GALNTL6: variants seen among roughly 807,000 people sequenced by gnomAD.
The protein encoded by GALNTL6 is polypeptide N-acetylgalactosaminyltransferase like 6, also known as polypeptide N-acetylgalactosaminyltransferase-like 6.
In GALNTL6, 46 loss-of-function variants were observed where a neutral mutation model predicts 73.7. The ratio of observed to expected loss-of-function variants is 0.62; its 90% CI spans 0.49 to 0.80. The LOEUF (loss-of-function observed/expected upper bound fraction) is 0.80. Among genes scored for constraint, GALNTL6 ranks in the 30% least tolerant of loss-of-function variants. The pLI is 0.00. For missense variants in GALNTL6, 604 were observed against 755.0 expected (o/e 0.80, Z 2.34); for synonymous variants, 259 against 263.7 (o/e 0.98, Z 0.17).
intron 5 of GALNTL6, among the ~76,000 whole-genome samples, chr4:172,498,373 A>G (rs192065204): frequency 6.6e-6 from 1 of 152,290 alleles, no homozygotes; most frequent in East Asian, 1.9e-4. Flanking sequence ...GCCTCCAAAT[A>G]TATTTACAAA....
chr4:171,878,786 A>T (rs998045316), intron 2 of GALNTL6, among the ~76,000 whole-genome samples: 1 of 152,074 alleles, frequency 6.6e-6, no homozygotes, highest in Non-Finnish European at 1.5e-5. Context: ...GTGGGAGGTG[A>T]TTGGATCTTG....
intron 2 of GALNTL6, among the ~76,000 whole-genome samples, chr4:171,843,412 TA>T (rs1735291932): frequency 1.3e-5 from 2 of 151,974 alleles, no homozygotes; most frequent in Admixed American, 1.3e-4. Context: ...TGTTCATCCA[TA>T]AAAGATTACT....
At chr4:172,063,762 T>C (rs1731278876) in intron 2 of GALNTL6, among the ~76,000 whole-genome samples, 1 of 152,166 alleles carries the variant, frequency 6.6e-6, no homozygotes, top group Non-Finnish European at 1.5e-5. Flanking sequence ...TTCTAAACTT[T>C]ATATCATTTT....
intron 5 of GALNTL6, among the ~76,000 whole-genome samples, chr4:172,676,717 C>T (rs1017463232): frequency 2.0e-5 from 3 of 152,176 alleles, no homozygotes; most frequent in Non-Finnish European, 4.4e-5. Flanking sequence ...TGGCTGCCTA[C>T]TTCATTTCAC....
At chr4:171,824,509 A>G (rs1734773800) in intron 2 of GALNTL6, among the ~76,000 whole-genome samples, 1 of 152,198 alleles carries the variant, frequency 6.6e-6, no homozygotes, top group South Asian at 2.1e-4. Flanking sequence ...AAATGCTTAG[A>G]AAACTGGATT....
At chr4:172,307,903 T>C (rs1740201319) in intron 3 of GALNTL6, among the ~76,000 whole-genome samples, 1 of 151,856 alleles carries the variant, frequency 6.6e-6, no homozygotes, top group Admixed American at 6.6e-5. Context: ...AATTATAGTA[T>C]TTTGATTGGA....
rs564783977 is a variant in GALNTL6 at position 172,243,832 on chromosome 4, T to C, written c.247+14068T>C. 1.6e-4 allele frequency among the ~76,000 whole-genome samples: 25 copies of C among 152,228 alleles called. No individual in the cohort carries two copies. In the South Asian group the frequency reaches 3.9e-3, roughly 24 times the overall value. ...CTTTATTCTCCCTAATTGAACAAGA[T>C]TGTGAACTAAACAGAATGAGAAGCA... On this transcript the variant is annotated intron_variant, in intron 3 of 12. Transcript: ENST00000506823.
At position 172,048,274 on chromosome 4, in the gene GALNTL6, CAGA is replaced by C. The variant is rs201238079; in HGVS notation, c.139-181375_139-181373del. ...CTAATGTTTCAGTGCAAAAGAAGCACAGAAGAAGAGACCAAACTCCATGAACTT... is the reference window on the plus strand; with the variant it reads ...CTAATGTTTCAGTGCAAAAGAAGCACAGAAGAGACCAAACTCCATGAACTT... On this transcript the variant is annotated intron_variant, in intron 2 of 12. Transcript: ENST00000506823. Among the ~76,000 whole-genome samples the C allele has an allele frequency of 6.9e-3, 1,055 of 152,118 alleles. 6 individuals are homozygous for C. The highest frequency in any genetic ancestry group is 0.019 in the African/African-American group (778 of 41,490).
At chr4:172,587,444 C>G (rs1446483308) in intron 5 of GALNTL6, among the ~76,000 whole-genome samples, 2 of 152,128 alleles carry the variant, frequency 1.3e-5, no homozygotes, top group East Asian at 3.9e-4. Context: ...ATCATGTCAC[C>G]CCTTGTCGTA....
intron 5 of GALNTL6, among the ~76,000 whole-genome samples, chr4:172,549,738 A>C (rs1735890251): frequency 6.6e-6 from 1 of 152,200 alleles, no homozygotes; most frequent in Admixed American, 6.5e-5. Context: ...TTTTAAGTAC[A>C]AAAGTATTGT....
chr4:172,290,639 A>AT (rs1434398117), intron 3 of GALNTL6, among the ~76,000 whole-genome samples: 1 of 152,066 alleles, frequency 6.6e-6, no homozygotes, highest in Admixed American at 6.6e-5. Flanking sequence ...GCTTCAGATA[A>AT]TATTTTTAAA....
intron 7 of GALNTL6, among the ~76,000 whole-genome samples, chr4:172,850,136 G>A (rs951350862): frequency 6.6e-6 from 1 of 152,306 alleles, no homozygotes; most frequent in African/African-American, 2.4e-5. Context: ...ACAGGACAGA[G>A]CACTGGACAG....
intron 8 of GALNTL6, among the ~76,000 whole-genome samples, chr4:172,926,356 A>G (rs1230301867): frequency 6.6e-6 from 1 of 152,168 alleles, no homozygotes; most frequent in African/African-American, 2.4e-5. Flanking sequence ...GGATACAAAC[A>G]TTCAATCCAT....
rs575756749 is a variant in GALNTL6 at position 172,594,170 on chromosome 4, C to A, written c.554-215191C>A. On this transcript the variant is annotated intron_variant, in intron 5 of 12. Transcript: ENST00000506823. Reference sequence around the variant, plus strand: ...GATCAGCCTGGCCAAGATGGTGAAACCCCATCTCTACTAAAAATACAAAAA... The same window carrying A: ...GATCAGCCTGGCCAAGATGGTGAAAACCCATCTCTACTAAAAATACAAAAA... 2.3e-3 allele frequency among the ~76,000 whole-genome samples: 347 copies of A among 152,092 alleles called. 3 individuals carry two copies. Among genetic ancestry groups the A allele is most frequent in the Admixed American group, 0.019 (284 of 15,264 alleles).
intron 5 of GALNTL6, among the ~76,000 whole-genome samples, chr4:172,737,386 G>T (rs1736535470): frequency 6.6e-6 from 1 of 151,018 alleles, no homozygotes; most frequent in Admixed American, 6.6e-5. Flanking sequence ...TCCTCTGCTT[G>T]CTTCATTCCA....
chr4:172,549,602 T>A (rs1417693047), intron 5 of GALNTL6, among the ~76,000 whole-genome samples: 4 of 148,654 alleles, frequency 2.7e-5, no homozygotes, highest in East Asian at 2.0e-4. Context: ...CAATGCAATT[T>A]AAAAAAAAAA....
intron 5 of GALNTL6, among the ~76,000 whole-genome samples, chr4:172,687,377 C>A (rs1226514101): frequency 1.3e-5 from 2 of 151,994 alleles, no homozygotes; most frequent in Non-Finnish European, 2.9e-5. Flanking sequence ...TACCTGTAAT[C>A]CCAGCACTTT....
chr4:172,425,719 A>T (rs753123915), intron 5 of GALNTL6, among the ~76,000 whole-genome samples: 1 of 152,242 alleles, frequency 6.6e-6, no homozygotes, highest in Middle Eastern at 3.4e-3. Flanking sequence ...TTCTGCTTAC[A>T]TCAGAGACCT....
Position 172,020,918 on chromosome 4 carries a change from C to A in GALNTL6, c.138+206200C>A, listed in dbSNP as rs1481085822. Among the ~76,000 whole-genome samples, 3 of 151,886 alleles carry A rather than the reference C, an allele frequency of 2.0e-5. No individual in the cohort carries two copies. In the East Asian group the frequency reaches 5.8e-4, roughly 29 times the overall value. The stretch of plus-strand genomic sequence containing the variant: ...AAAGTCCTCAACAAAATACTAGCAA[C>A]CTGAATTCAACAACACATTGAAAAA... On this transcript the variant is annotated intron_variant, in intron 2 of 12. Transcript: ENST00000506823.
Sources: gnomAD v4.1 joint callset for allele counts (sites outside exome capture counted in the v4.1 genomes callset) on GRCh38, gnomAD v4.1.1 for gene constraint, MANE v1.5 for transcripts, NCBI Gene and HGNC (gene_info 2026-07-23, HGNC 2026-07-21) for gene names.